CACNA2D3: variants seen among roughly 807,000 people sequenced by gnomAD.
CACNA2D3 encodes voltage-dependent calcium channel subunit alpha-2/delta-3.
In CACNA2D3, 60 loss-of-function variants were observed where a neutral mutation model predicts 160.6. The observed-to-expected ratio is 0.37, with a 90% CI of 0.30 to 0.46. The LOEUF is 0.46. Ranked by LOEUF, CACNA2D3 falls within the 20% of genes least tolerant of loss-of-function variation. The pLI, the probability that CACNA2D3 is intolerant of heterozygous loss-of-function variation, is 1.00. For synonymous variants in CACNA2D3, 558 were observed against 492.9 expected (o/e 1.13, Z -1.75); for missense variants, 1,205 against 1,365.0 (o/e 0.88, Z 1.85).
chr3:54,821,033 G>A (rs1047970260), intron 14 of CACNA2D3, among the ~76,000 whole-genome samples: 6 of 152,080 alleles, frequency 3.9e-5, no homozygotes, highest in East Asian at 3.9e-4. Flanking sequence ...AGTTCCAAAC[G>A]TGGCTATTTA....
At chr3:55,067,467 A>G (rs938881080) in intron 35 of CACNA2D3, among the ~76,000 whole-genome samples, 12 of 152,200 alleles carry the variant, frequency 7.9e-5, no homozygotes, top group African/African-American at 2.4e-4. Flanking sequence ...TAGCTGTGGT[A>G]AGAGTTTACT....
intron 24 of CACNA2D3, among the ~76,000 whole-genome samples, chr3:54,890,763 G>A (rs1235691243): frequency 6.6e-6 from 1 of 152,168 alleles, no homozygotes; most frequent in Non-Finnish European, 1.5e-5. Context: ...ACATCTCTTT[G>A]GGGTTGGTGG....
chr3:54,341,653 T>C (rs1450361534), intron 3 of CACNA2D3, among the ~76,000 whole-genome samples: 1 of 152,194 alleles, frequency 6.6e-6, no homozygotes, highest in Non-Finnish European at 1.5e-5. Flanking sequence ...GGTTGCCAAG[T>C]GTCAGTAGCA....
chr3:54,941,238 A>T (rs1701459193), intron 27 of CACNA2D3, among the ~76,000 whole-genome samples: 1 of 152,230 alleles, frequency 6.6e-6, no homozygotes, highest in Admixed American at 6.5e-5. Flanking sequence ...AAGTAAAAAA[A>T]CAGGGGCATA....
intron 27 of CACNA2D3, among the ~76,000 whole-genome samples, chr3:54,941,122 G>A (rs1450298222): frequency 1.3e-5 from 2 of 152,046 alleles, no homozygotes; most frequent in East Asian, 3.9e-4. Context: ...TGTTTCTCCT[G>A]GTAATGCAAT....
rs542999296 is a variant in CACNA2D3 at position 54,653,020 on chromosome 3, T to C, written c.1167+10779T>C. 1.6e-3 allele frequency among the ~76,000 whole-genome samples: 236 copies of C among 152,210 alleles called. 1 individual carries two copies. The highest frequency in any genetic ancestry group is 3.0e-3 in the Non-Finnish European group (204 of 68,000). ...CTGGTCTTGAACTCCTGACCTCAAG[T>C]GATCCACCTGCCTTGGTCTCCCAAA... On this transcript the variant is annotated intron_variant, in intron 11 of 37. Transcript: ENST00000474759.
chr3:54,279,668 A>AG (rs1702825545), intron 2 of CACNA2D3, among the ~76,000 whole-genome samples: 1 of 152,222 alleles, frequency 6.6e-6, no homozygotes. Flanking sequence ...TTGTACCTAC[A>AG]GGCATGAGTG....
chr3:54,994,137 A>G (rs1404564172), intron 31 of CACNA2D3, among the ~76,000 whole-genome samples: 2 of 151,902 alleles, frequency 1.3e-5, no homozygotes, highest in Non-Finnish European at 2.9e-5. Flanking sequence ...TCACCTTTCT[A>G]AAAGGTGACA....
In CACNA2D3 at chr3:54,478,660, G is replaced by GTGTATGTATATATATA; in HGVS notation, c.382-24831_382-24830insGTATGTATATATATAT. ...AAAATATATATATAAATATGTGTGT[G>GTGTATGTATATATATA]TATATATATATATATATATTGCTTG... On this transcript the variant is annotated intron_variant, in intron 4 of 37. Transcript: ENST00000474759. Among the ~76,000 whole-genome samples, 9 of 36,374 alleles carry GTGTATGTATATATATA rather than the reference G, an allele frequency of 2.5e-4. 1 individual carries two copies. The highest frequency in any genetic ancestry group is 6.5e-4 in the African/African-American group (9 of 13,852). 23.9% of individuals were successfully genotyped at this position (36,374 alleles called of 152,430 possible). A position where few individuals can be genotyped will look rare whatever the true frequency, so the allele number is the denominator to read the frequency against.
rs1294324050 is a variant in CACNA2D3, at chr3:54,642,226, T to C, written c.1152T>C (p.Asn384=). The change falls in exon 11 of 38, where the codon AAT becomes AAC. Residue 384 remains asparagine, a synonymous_variant. Coordinates refer to ENST00000474759, the MANE Select transcript of CACNA2D3 (RefSeq NM_018398.3). The stretch of plus-strand genomic sequence containing the variant: ...ATGATACAATCTTTGCAAAATACAA[T>C]TGGCCAGATCGAAAGGTAAGTTGAT... ...DTYDTIFAKY[N]WPDRKVRIFT... is the part of the protein sequence containing the mutation. The C allele has an allele frequency of 9.3e-6, 15 of 1,610,342 alleles. No individual in the cohort carries two copies. The highest frequency in any genetic ancestry group is 2.2e-5 in the East Asian group (1 of 44,840).
intron 5 of CACNA2D3, among the ~76,000 whole-genome samples, chr3:54,507,173 G>C (rs1701384488): frequency 6.6e-6 from 1 of 152,038 alleles, no homozygotes; most frequent in African/African-American, 2.4e-5. Flanking sequence ...TGTCCACCCG[G>C]GTGAGACCCT....
chr3:54,277,860 A>G (rs1209514344), intron 2 of CACNA2D3, among the ~76,000 whole-genome samples: 3 of 152,144 alleles, frequency 2.0e-5, no homozygotes, highest in African/African-American at 7.2e-5. Context: ...TGTAAGTTGT[A>G]TTCCTAGGTG....
At chr3:54,278,391 G>A (rs1702792375) in intron 2 of CACNA2D3, among the ~76,000 whole-genome samples, 1 of 152,158 alleles carries the variant, frequency 6.6e-6, no homozygotes, top group South Asian at 2.1e-4. Flanking sequence ...ACTGTTGGTG[G>A]GAGTGTAAAT....
Position 54,265,560 on chromosome 3 carries a change from A to AGT in CACNA2D3, c.205-54877_205-54876dup, listed in dbSNP as rs1553771962. On this transcript the variant is annotated intron_variant, in intron 2 of 37. Transcript: ENST00000474759. ...TGTGTGTGTGTGTGTGTGTGTGTATAGTGTGTATATATATAGTGTGTGTAT... is the reference window on the plus strand; with the variant it reads ...TGTGTGTGTGTGTGTGTGTGTGTATAGTGTGTGTATATATATAGTGTGTGTAT... 6.4e-3 allele frequency among the ~76,000 whole-genome samples: 493 copies of AGT among 76,694 alleles called. 3 individuals are homozygous for AGT. Among genetic ancestry groups the AGT allele is most frequent in the African/African-American group, 0.03 (457 of 15,476 alleles). The allele number at this position is 76,694 out of a possible 152,430, so 50.3% of individuals were successfully genotyped here. A position where few individuals can be genotyped will look rare whatever the true frequency, so the allele number is the denominator to read the frequency against.
At chr3:55,033,730 T>G (rs1475998051) in intron 35 of CACNA2D3, among the ~76,000 whole-genome samples, 1 of 121,334 alleles carries the variant, frequency 8.2e-6, no homozygotes, top group Non-Finnish European at 1.7e-5. Context: ...ATATTAAATA[T>G]ATTTTATATA....
At chr3:54,938,728 C>T (rs73067713) in intron 27 of CACNA2D3, among the ~76,000 whole-genome samples, 320 of 150,864 alleles carry the variant, frequency 2.1e-3, no homozygotes, top group Non-Finnish European at 3.6e-3. Context: ...TTTTTAAAAA[C>T]GTCTTTCAAG....
intron 5 of CACNA2D3, among the ~76,000 whole-genome samples, chr3:54,517,770 G>C (rs982893075): frequency 2.6e-5 from 4 of 152,138 alleles, no homozygotes; most frequent in African/African-American, 7.2e-5. Context: ...AGGCTGCCTT[G>C]CCTTGGGCTC....
At chr3:54,744,647 C>G (rs998045987) in intron 11 of CACNA2D3, among the ~76,000 whole-genome samples, 1 of 152,204 alleles carries the variant, frequency 6.6e-6, no homozygotes, top group African/African-American at 2.4e-5. Flanking sequence ...CATTCTTCAC[C>G]CACAGGAGTC....
chr3:54,691,987 C>T (rs1216690667), intron 11 of CACNA2D3, among the ~76,000 whole-genome samples: 1 of 151,100 alleles, frequency 6.6e-6, no homozygotes, highest in African/African-American at 2.4e-5. Context: ...TTCTTTCTTC[C>T]TTTTTTTTTG....
Sources: allele counts gnomAD v4.1 joint callset (sites outside exome capture counted in the v4.1 genomes callset), GRCh38; gene constraint gnomAD v4.1.1; transcripts MANE v1.5; gene names NCBI Gene and HGNC (gene_info 2026-07-23, HGNC 2026-07-21).